The following SKAP1 variants were observed in gnomAD, a reference collection of about 807,000 sequenced individuals.
SKAP1 encodes src kinase-associated phosphoprotein 1.
Under a neutral mutation model 58.5 loss-of-function variants are expected in SKAP1, and 44 were observed. The ratio of observed to expected loss-of-function variants is 0.75; its 90% confidence interval spans 0.59 to 0.97. The LOEUF (loss-of-function observed/expected upper bound fraction) is 0.97. Among genes scored for constraint, SKAP1 ranks in the 50% least tolerant of loss-of-function variants. The probability of loss-of-function intolerance (pLI) is 0.00; values close to 1 mark genes in which losing one functional copy is unlikely to be tolerated. For missense variants in SKAP1, 390 were observed against 435.2 expected (o/e 0.90, Z 0.92); for synonymous variants, 127 against 149.7 (o/e 0.85, Z 1.11).
intron 4 of SKAP1, among the ~76,000 whole-genome samples, chr17:48,305,057 A>G (rs2066118225): frequency 6.6e-6 from 1 of 152,212 alleles, no homozygotes; most frequent in Non-Finnish European, 1.5e-5. Context: ...CATTTTTTGT[A>G]GGTCTTAGAA....
intron 2 of SKAP1, among the ~76,000 whole-genome samples, chr17:48,386,326 G>T (rs7212149): frequency 1.8e-4 from 24 of 133,682 alleles, no homozygotes; most frequent in Non-Finnish European, 2.2e-4. Context: ...TTTTTTTTTG[G>T]TGACTATAAG....
At chr17:48,339,255 A>G (rs945441809) in intron 4 of SKAP1, among the ~76,000 whole-genome samples, 7 of 152,348 alleles carry the variant, frequency 4.6e-5, no homozygotes, top group African/African-American at 1.7e-4. Context: ...ACAAAGATCA[A>G]AGCAGTTGTC....
At chr17:48,136,138 G>C (rs185260625) in intron 12 of SKAP1, among the ~76,000 whole-genome samples, 10 of 151,896 alleles carry the variant, frequency 6.6e-5, no homozygotes, top group Non-Finnish European at 1.2e-4. Context: ...CAACATCTGT[G>C]AAGTACCCTT....
intron 5 of SKAP1, among the ~76,000 whole-genome samples, chr17:48,188,625 G>A (rs908366394): frequency 2.6e-5 from 4 of 152,144 alleles, no homozygotes; most frequent in Non-Finnish European, 4.4e-5. Context: ...ATTGGAGGCT[G>A]CAGTGAGCTA....
At chr17:48,191,469 T>G (rs1413184473) in intron 4 of SKAP1, among the ~76,000 whole-genome samples, 1 of 152,240 alleles carries the variant, frequency 6.6e-6, no homozygotes, top group Non-Finnish European at 1.5e-5. Flanking sequence ...TAGAGTATCT[T>G]GAGAGTTATG....
intron 4 of SKAP1, among the ~76,000 whole-genome samples, chr17:48,306,994 C>G (rs1480790287): frequency 1.3e-5 from 2 of 152,044 alleles, no homozygotes; most frequent in East Asian, 1.9e-4. Context: ...AATCCACCCA[C>G]GAAGGATTAT....
chr17:48,403,136 G>A (rs1309310716), intron 1 of SKAP1, among the ~76,000 whole-genome samples: 1 of 151,372 alleles, frequency 6.6e-6, no homozygotes, highest in Non-Finnish European at 1.5e-5. Flanking sequence ...AGCCAAGGTA[G>A]GAGAACTGCT....
At chr17:48,212,967 C>T (rs1018438856) in intron 4 of SKAP1, among the ~76,000 whole-genome samples, 1 of 152,128 alleles carries the variant, frequency 6.6e-6, no homozygotes, top group Non-Finnish European at 1.5e-5. Flanking sequence ...CTTCTCTACC[C>T]CTGGCTAGTT....
chr17:48,147,662 G>C (rs1406827042), intron 11 of SKAP1, among the ~76,000 whole-genome samples: 1 of 152,130 alleles, frequency 6.6e-6, no homozygotes, highest in African/African-American at 2.4e-5. Context: ...AGTGATGTTG[G>C]AACTTGTGAA....
intron 4 of SKAP1, among the ~76,000 whole-genome samples, chr17:48,280,043 C>G (rs1300210147): frequency 6.6e-6 from 1 of 151,910 alleles, no homozygotes; most frequent in Non-Finnish European, 1.5e-5. Flanking sequence ...TTGCTTGGTT[C>G]TAGAAAGAAA....
chr17:48,427,425 T>C (rs776025604), intron 1 of SKAP1, among the ~76,000 whole-genome samples: 1 of 152,146 alleles, frequency 6.6e-6, no homozygotes, highest in Admixed American at 6.6e-5. Flanking sequence ...TTAGCATAGA[T>C]CTTCGTGCAT....
At chr17:48,243,515 A>G (rs1396560812) in intron 4 of SKAP1, among the ~76,000 whole-genome samples, 1 of 152,030 alleles carries the variant, frequency 6.6e-6, no homozygotes, top group African/African-American at 2.4e-5. Flanking sequence ...TGCAAAGGGG[A>G]AAAAAAGGCC....
At chr17:48,226,357 T>G (rs550551667) in intron 4 of SKAP1, among the ~76,000 whole-genome samples, 1 of 152,262 alleles carries the variant, frequency 6.6e-6, no homozygotes, top group African/African-American at 2.4e-5. Context: ...GTTTTTTTTT[T>G]CCTTCTTAAT....
intron 9 of SKAP1, among the ~76,000 whole-genome samples, chr17:48,174,255 A>C (rs1267680594): frequency 6.6e-6 from 1 of 152,226 alleles, no homozygotes; most frequent in East Asian, 1.9e-4. Context: ...CATCTGTTTT[A>C]TCTAACACCG....
At chr17:48,344,630 T>A (rs1224855472) in intron 4 of SKAP1, among the ~76,000 whole-genome samples, 1 of 152,236 alleles carries the variant, frequency 6.6e-6, no homozygotes, top group African/African-American at 2.4e-5. Context: ...CAGCTACCAA[T>A]GTAATTATTA....
chr17:48,187,750 AAGGACTGCTATCTT>A, intron 6 of SKAP1, 79 bp downstream of exon 6: 1 of 821,848 alleles, frequency 1.2e-6, no homozygotes, highest in Non-Finnish European at 2.0e-6. Flanking sequence ...GGTGTTAGTT[AAGGACTGCTATCTT>A]GGGATCTAAG....
intron 5 of SKAP1, among the ~76,000 whole-genome samples, chr17:48,188,623 C>T (rs1171195460): frequency 2.0e-5 from 3 of 151,892 alleles, no homozygotes; most frequent in Admixed American, 2.0e-4. Flanking sequence ...GGATTGGAGG[C>T]TGCAGTGAGC....
At chr17:48,372,331 A>C (rs2067098158) in intron 2 of SKAP1, among the ~76,000 whole-genome samples, 1 of 150,420 alleles carries the variant, frequency 6.6e-6, no homozygotes, top group Non-Finnish European at 1.5e-5. Flanking sequence ...TTTGAGACGG[A>C]GTTTTGCTCT....
At chr17:48,145,562 C>T (rs2063822491) in intron 11 of SKAP1, among the ~76,000 whole-genome samples, 1 of 152,112 alleles carries the variant, frequency 6.6e-6, no homozygotes, top group South Asian at 2.1e-4. Flanking sequence ...GGTTTCAGGA[C>T]TATCATGGAC....
Sources: gnomAD v4.1 joint callset for allele counts (sites outside exome capture counted in the v4.1 genomes callset) on GRCh38, gnomAD v4.1.1 for gene constraint, MANE v1.5 for transcripts, NCBI Gene and HGNC (gene_info 2026-07-23, HGNC 2026-07-21) for gene names.